Variants in ARSG observed in about 807,000 individuals in gnomAD.
ARSG encodes arylsulfatase G.
In ARSG, 37 loss-of-function variants were observed where a neutral mutation model predicts 50.5. That is an observed-to-expected ratio of 0.73 (90% CI 0.56 to 0.96). ARSG has a LOEUF of 0.96. Ranked by LOEUF, ARSG falls within the 50% of genes least tolerant of loss-of-function variation. The pLI is 0.00. For synonymous variants in ARSG, 225 were observed against 254.6 expected (o/e 0.88, Z 1.11); for missense variants, 629 against 675.3 (o/e 0.93, Z 0.76).
At chr17:68,315,929 G>T (rs577951365) in intron 2 of ARSG, among the ~76,000 whole-genome samples, 1 of 152,202 alleles carries the variant, frequency 6.6e-6, no homozygotes, top group East Asian at 1.9e-4. Flanking sequence ...TGGCACCCAG[G>T]CAGAAATGGG....
chr17:68,368,660 C>T lies in ARSG; in HGVS notation c.817C>T (p.Leu273Phe). The change falls in exon 7 of 12, where the codon CTC becomes TTC. Residue 273 changes from leucine (L) to phenylalanine (F), a missense_variant. By Grantham distance (22) the Leu-to-Phe change is conservative. Transcript: ENST00000621439. ...GGGCAGAAGCCTGTATGGTGCAGGG[C>T]TCTGGGAGATGGACAGTCTGGTGGG... ...PRGRSLYGAG[L>F]WEMDSLVGQI... 1 of 1,614,210 alleles carries T rather than the reference C, an allele frequency of 6.2e-7. No homozygotes were observed. The highest frequency in any genetic ancestry group is 1.6e-4 in the Middle Eastern group (1 of 6,062).
At chr17:68,269,673 G>GTTTTTTTTTTTTTTTTTTTTT (rs782421181) in intron 1 of ARSG, among the ~76,000 whole-genome samples, 1 of 77,912 alleles carries the variant, frequency 1.3e-5, no homozygotes, top group Non-Finnish European at 2.2e-5. Flanking sequence ...TTCACTTTAG[G>GTTTTTTTTTTTTTTTTTTTTT]TTTTTTTTTT....
At position 68,356,784 on chromosome 17, in the gene ARSG, C is replaced by G; in HGVS notation, c.684C>G (p.Thr228=). The G allele has an allele frequency of 6.2e-7, 1 of 1,614,172 alleles. No individual in the cohort carries two copies. Among genetic ancestry groups the G allele is most frequent in the Non-Finnish European group, 8.5e-7 (1 of 1,180,024 alleles). The part of the protein sequence containing the change: ...SLAQKYAEKA[T]QFIQRASTSG... The stretch of plus-strand genomic sequence containing the variant: ...CCCAGAAGTATGCTGAGAAAGCAAC[C>G]CAGTTCATCCAGCGTGCAAGGTGAG... Residue 228 remains threonine, a synonymous_variant, in exon 6 of 12, where the codon ACC becomes ACG. Coordinates refer to ENST00000621439, the MANE Select transcript of ARSG (RefSeq NM_001267727.2).
chr17:68,434,828 T>C, the ARSG span, among the ~76,000 whole-genome samples: 1 of 152,310 alleles, frequency 6.6e-6, no homozygotes, highest in East Asian at 1.9e-4. Flanking sequence ...GTCTACCTTT[T>C]CCCTTCCACC....
the ARSG span, chr17:68,435,733 T>C: frequency 1.2e-6 from 2 of 1,608,334 alleles, no homozygotes; most frequent in South Asian, 1.1e-5. Flanking sequence ...AAAGGAAAAA[T>C]GGATACAGAT....
chr17:68,406,554 G>T (rs1245345973), intron 11 of ARSG, among the ~76,000 whole-genome samples: 1 of 152,038 alleles, frequency 6.6e-6, no homozygotes, highest in Non-Finnish European at 1.5e-5. Flanking sequence ...ACTGTTTTTT[G>T]ATTTTTTGAT....
At chr17:68,382,971 CA>C (rs552183767) in intron 8 of ARSG, among the ~76,000 whole-genome samples, 40 of 152,264 alleles carry the variant, frequency 2.6e-4, no homozygotes, top group Admixed American at 2.3e-3. Context: ...TTCTCTCAGC[CA>C]ATCTTTTTCT....
intron 9 of ARSG, 51 bp downstream of exon 9, chr17:68,385,223 C>A: frequency 2.6e-6 from 4 of 1,529,744 alleles, no homozygotes; most frequent in South Asian, 1.1e-5. Flanking sequence ...CAAGAAAAGT[C>A]ATGGAGGCAT....
the ARSG span, among the ~76,000 whole-genome samples, chr17:68,441,972 G>A: frequency 2.1e-4 from 32 of 152,300 alleles, no homozygotes; most frequent in African/African-American, 7.2e-4. Context: ...CTGAGACAGA[G>A]GAAGTCTCTG....
chr17:68,439,191 T>C, the ARSG span, among the ~76,000 whole-genome samples: 1 of 152,220 alleles, frequency 6.6e-6, no homozygotes, highest in African/African-American at 2.4e-5. Flanking sequence ...TGAATGTTCA[T>C]GGCAGCATTA....
chr17:68,418,493 G>A (rs1234829687), intron 11 of ARSG, among the ~76,000 whole-genome samples: 1 of 152,072 alleles, frequency 6.6e-6, no homozygotes, highest in African/African-American at 2.4e-5. Flanking sequence ...AGCCACAGGT[G>A]GAAAACCAGT....
chr17:68,331,435 G>A lies in ARSG; in HGVS notation c.219-12169G>A, dbSNP rs558297196. 3.3e-5 allele frequency among the ~76,000 whole-genome samples: 5 copies of A among 152,058 alleles called. No homozygotes were observed. The South Asian group carries it at 1.0e-3, about 32-fold the overall frequency. On this transcript the variant is annotated intron_variant, in intron 2 of 11. Coordinates refer to ENST00000621439, the MANE Select transcript of ARSG (RefSeq NM_001267727.2). Reference sequence around the variant, plus strand: ...AATTTTTCGTATTTTTAGTAGAGACGGGGTTTCACCGTGTTAGCCAGGATG... The same window carrying A: ...AATTTTTCGTATTTTTAGTAGAGACAGGGTTTCACCGTGTTAGCCAGGATG...
chr17:68,406,138 G>A (rs532828189), intron 11 of ARSG, among the ~76,000 whole-genome samples: 4 of 152,208 alleles, frequency 2.6e-5, no homozygotes, highest in Non-Finnish European at 5.9e-5. Context: ...GAGAACATAC[G>A]ATGTTTGGTT....
the ARSG span, among the ~76,000 whole-genome samples, chr17:68,433,774 T>TG: frequency 1.6e-3 from 55 of 35,226 alleles, no homozygotes; most frequent in African/African-American, 3.9e-3. Context: ...TTTTTTTTTT[T>TG]TTTTTTTTTT....
intron 2 of ARSG, among the ~76,000 whole-genome samples, chr17:68,342,799 G>A (rs1330497935): frequency 2.0e-5 from 3 of 152,202 alleles, no homozygotes; most frequent in African/African-American, 7.2e-5. Flanking sequence ...CAAAAGCCAT[G>A]GCTCTAAATA....
chr17:68,419,043 A>C (rs150417430), intron 11 of ARSG, among the ~76,000 whole-genome samples: 19 of 149,284 alleles, frequency 1.3e-4, no homozygotes, highest in African/African-American at 4.2e-4. Flanking sequence ...AAGTCATCGG[A>C]ATCATAAAGA....
chr17:68,310,406 A>G (rs1278826532), intron 2 of ARSG, among the ~76,000 whole-genome samples: 2 of 152,202 alleles, frequency 1.3e-5, no homozygotes, highest in African/African-American at 4.8e-5. Flanking sequence ...CGTGGCTTAC[A>G]CTTAAGGCAT....
intron 1 of ARSG, among the ~76,000 whole-genome samples, chr17:68,296,259 AGTT>A (rs2076204455): frequency 6.6e-6 from 1 of 152,134 alleles, no homozygotes; most frequent in Non-Finnish European, 1.5e-5. Context: ...TTCTTCAGAT[AGTT>A]GTTGAAGTTG....
chr17:68,345,386 T>C (rs2078457795), intron 3 of ARSG, among the ~76,000 whole-genome samples: 1 of 152,224 alleles, frequency 6.6e-6, no homozygotes, highest in South Asian at 2.1e-4. Context: ...GCCCCTATGC[T>C]GCAGAAGTGG....
Sources: allele counts gnomAD v4.1 joint callset (sites outside exome capture counted in the v4.1 genomes callset), GRCh38; gene constraint gnomAD v4.1.1; transcripts MANE v1.5; gene names NCBI Gene and HGNC (gene_info 2026-07-23, HGNC 2026-07-21).